The following EXOC6B variants were observed in gnomAD, a reference collection of about 807,000 sequenced individuals.
EXOC6B encodes the protein exocyst complex component 6B.
A neutral mutation model predicts 113.5 loss-of-function variants in EXOC6B; 54 were observed. The ratio of observed to expected loss-of-function variants is 0.48; its 90% CI spans 0.38 to 0.60. EXOC6B has a LOEUF of 0.60. Among genes scored for constraint, EXOC6B ranks in the 20% least tolerant of loss-of-function variants. EXOC6B has a pLI of 0.00. For synonymous variants in EXOC6B, 357 were observed against 339.0 expected (o/e 1.05, Z -0.58); for missense variants, 797 against 977.5 (o/e 0.82, Z 2.46).
intron 1 of EXOC6B, among the ~76,000 whole-genome samples, chr2:72,803,934 A>T (rs1685438693): frequency 1.3e-5 from 2 of 152,218 alleles, no homozygotes; most frequent in African/African-American, 4.8e-5. Flanking sequence ...AATTAACCTA[A>T]GTTAGGCCAT....
intron 1 of EXOC6B, among the ~76,000 whole-genome samples, chr2:72,803,529 C>G (rs1236409045): frequency 6.6e-6 from 1 of 151,732 alleles, no homozygotes; most frequent in African/African-American, 2.4e-5. Flanking sequence ...AATGAAAGTC[C>G]AAAACACTTT....
intron 6 of EXOC6B, among the ~76,000 whole-genome samples, chr2:72,618,120 G>C (rs1461131893): frequency 1.3e-5 from 2 of 152,016 alleles, no homozygotes; most frequent in Non-Finnish European, 2.9e-5. Context: ...TGTAATCCCA[G>C]CACTTTGGGA....
At chr2:72,598,384 T>A (rs1306999629) in intron 6 of EXOC6B, among the ~76,000 whole-genome samples, 1 of 151,860 alleles carries the variant, frequency 6.6e-6, no homozygotes, top group African/African-American at 2.4e-5. Flanking sequence ...AAAAAACAAC[T>A]AATAAAAATT....
At chr2:72,727,218 C>A (rs1439172280) in intron 5 of EXOC6B, among the ~76,000 whole-genome samples, 2 of 152,020 alleles carry the variant, frequency 1.3e-5, no homozygotes, top group Non-Finnish European at 2.9e-5. Context: ...GAACAAAGAA[C>A]AGGTAGGATA....
chr2:72,753,632 A>G (rs1682202459), intron 1 of EXOC6B, among the ~76,000 whole-genome samples: 1 of 152,188 alleles, frequency 6.6e-6, no homozygotes, highest in African/African-American at 2.4e-5. Context: ...AGAAATACAC[A>G]CACATACACA....
In EXOC6B at chr2:72,582,069, G is replaced by A. The variant is rs575946200; in HGVS notation, c.670-6401C>T. Reference sequence around the variant, plus strand: ...ATCACAAACTCAATATAAAATCTGCGGACAGAAGTTCATAGGCCATAGAAG... The same window carrying A: ...ATCACAAACTCAATATAAAATCTGCAGACAGAAGTTCATAGGCCATAGAAG... On this transcript the variant is annotated intron_variant, in intron 6 of 21. Transcript: ENST00000272427. Among the ~76,000 whole-genome samples, 232 of 152,106 alleles carry A rather than the reference G, an allele frequency of 1.5e-3. 1 individual carries two copies. The highest frequency in any genetic ancestry group is 5.2e-3 in the African/African-American group (217 of 41,478).
rs147449871 is a variant in EXOC6B at position 72,324,973 on chromosome 2, T to C, written c.2196+9974A>G. On this transcript the variant is annotated intron_variant, in intron 20 of 21. Coordinates refer to ENST00000272427, the MANE Select transcript of EXOC6B (RefSeq NM_015189.3). ...ACAGATCTTAAGTCTCTGGACTGAC[T>C]GGGATCTTGCCTATATAACTAGTCA... Among the ~76,000 whole-genome samples the C allele has an allele frequency of 2.0e-3, 307 of 152,326 alleles. 3 individuals carry two copies. The highest frequency in any genetic ancestry group is 6.9e-3 in the African/African-American group (287 of 41,588).
chr2:72,181,433 G>T (rs1016629945), intron 21 of EXOC6B, among the ~76,000 whole-genome samples: 6 of 152,156 alleles, frequency 3.9e-5, no homozygotes, highest in African/African-American at 1.4e-4. Flanking sequence ...TAACACACTA[G>T]TTGCACAATT....
In EXOC6B at chr2:72,178,951, T is replaced by C; in HGVS notation, c.*384A>G. 5.7e-6 allele frequency: 1 copy of C among 176,516 alleles called. No individual in the cohort carries two copies. The highest frequency in any genetic ancestry group is 1.5e-4 in the South Asian group (1 of 6,826). 10.9% of individuals were successfully genotyped at this position (176,516 alleles called of 1,614,324 possible). A position where few individuals can be genotyped will look rare whatever the true frequency, so the allele number is the denominator to read the frequency against. ...ATCCAAGAGTGAACAGGACATATTT[T>C]AGTATCCTTTTGCTTACTCACTCTA... is the stretch of plus-strand genomic sequence containing the variant. On this transcript the variant is annotated 3_prime_UTR_variant, in exon 22 of 22. Coordinates refer to ENST00000272427, the MANE Select transcript of EXOC6B (RefSeq NM_015189.3).
chr2:72,264,604 G>T (rs1263151855), intron 20 of EXOC6B, among the ~76,000 whole-genome samples: 1 of 151,954 alleles, frequency 6.6e-6, no homozygotes, highest in Non-Finnish European at 1.5e-5. Context: ...CATATACCTT[G>T]ATATGGTTTG....
chr2:72,334,865 C>T (rs1688599274), intron 20 of EXOC6B, 82 bp downstream of exon 20: 1 of 1,341,012 alleles, frequency 7.5e-7, no homozygotes. Context: ...AATCCCCCTC[C>T]CTTCCCCTTT....
intron 7 of EXOC6B, 84 bp downstream of exon 7, chr2:72,575,408 A>G (rs973561057): frequency 7.9e-7 from 1 of 1,268,814 alleles, no homozygotes; most frequent in Non-Finnish European, 1.1e-6. Context: ...AAACTACATT[A>G]TATGGATAAA....
chr2:72,200,836 TA>T (rs1679448882), intron 20 of EXOC6B, among the ~76,000 whole-genome samples: 1 of 152,082 alleles, frequency 6.6e-6, no homozygotes, highest in African/African-American at 2.4e-5. Context: ...AATTAAAAAA[TA>T]AAAATAAAAG....
chr2:72,689,333 T>C (rs1163852358), intron 6 of EXOC6B, among the ~76,000 whole-genome samples: 1 of 152,156 alleles, frequency 6.6e-6, no homozygotes, highest in African/African-American at 2.4e-5. Flanking sequence ...AAAACATCAC[T>C]TATCAAAGTG....
chr2:72,202,142 C>G (rs1466979536), intron 20 of EXOC6B, among the ~76,000 whole-genome samples: 2 of 152,164 alleles, frequency 1.3e-5, no homozygotes, highest in African/African-American at 2.4e-5. Context: ...CATTTCTGGT[C>G]TATATATGGC....
chr2:72,278,385 G>C (rs1326043830), intron 20 of EXOC6B, among the ~76,000 whole-genome samples: 1 of 152,134 alleles, frequency 6.6e-6, no homozygotes, highest in Non-Finnish European at 1.5e-5. Flanking sequence ...AGCATATTTG[G>C]TCTCAACTTT....
rs1677724776 is a variant in EXOC6B, at chr2:72,176,264, A to AC, written c.*3070_*3071insG. On this transcript the variant is annotated 3_prime_UTR_variant, in exon 22 of 22. Coordinates refer to ENST00000272427, the MANE Select transcript of EXOC6B (RefSeq NM_015189.3). Reference sequence around the variant, plus strand: ...AAGTAATTGTGAATGCAGGCAAAAAAAAAAAAAACAAAAAGGAAGAAGAAG... The same window carrying AC: ...AAGTAATTGTGAATGCAGGCAAAAAACAAAAAAAACAAAAAGGAAGAAGAAG... The AC allele has an allele frequency of 6.7e-6, 1 of 149,466 alleles. No homozygotes were observed. The highest frequency in any genetic ancestry group is 2.5e-5 in the African/African-American group (1 of 40,762). The allele number at this position is 149,466 out of a possible 1,614,324, so 9.3% of individuals were successfully genotyped here.
intron 19 of EXOC6B, 123 bp from the exon 20 acceptor site, chr2:72,335,143 A>C (rs1371286485): frequency 1.3e-6 from 1 of 798,358 alleles, no homozygotes. Context: ...CTAAGGAGTC[A>C]TGTCTCTCTC....
intron 18 of EXOC6B, among the ~76,000 whole-genome samples, chr2:72,436,542 T>C (rs1449727419): frequency 6.6e-6 from 1 of 152,170 alleles, no homozygotes; most frequent in Non-Finnish European, 1.5e-5. Flanking sequence ...CATCAATCAA[T>C]CATAGATTTG....
Sources: gnomAD v4.1 joint callset for allele counts (sites outside exome capture counted in the v4.1 genomes callset) on GRCh38, gnomAD v4.1.1 for gene constraint, MANE v1.5 for transcripts, NCBI Gene and HGNC (gene_info 2026-07-23, HGNC 2026-07-21) for gene names.